The following CCDC81 variants were observed in gnomAD, a reference collection of about 807,000 sequenced individuals.
CCDC81 encodes coiled-coil domain containing 81.
In CCDC81, 79 loss-of-function variants were observed where a neutral mutation model predicts 83.7. The ratio of observed to expected loss-of-function variants is 0.94; its 90% confidence interval spans 0.79 to 1.14. The LOEUF is 1.14. CCDC81 is among the 50% of genes most tolerant of loss of function. CCDC81 has a pLI of 0.00. For synonymous variants in CCDC81, 252 were observed against 278.1 expected (o/e 0.91, Z 0.93); for missense variants, 791 against 778.1 (o/e 1.02, Z -0.20).
chr11:86,391,184 G>C (rs546575764), intron 3 of CCDC81, among the ~76,000 whole-genome samples: 1 of 152,288 alleles, frequency 6.6e-6, no homozygotes, highest in East Asian at 1.9e-4. Context: ...CCAGAGGCAG[G>C]CAAGACAGCC....
chr11:86,411,358 G>GA (rs1465095360), intron 10 of CCDC81, among the ~76,000 whole-genome samples: 3 of 152,100 alleles, frequency 2.0e-5, no homozygotes, highest in Non-Finnish European at 2.9e-5. Flanking sequence ...TTTCTCCATG[G>GA]AAAAACCTTC....
At position 86,392,749 on chromosome 11, in the gene CCDC81, C is replaced by G. The variant is rs1446529173; in HGVS notation, c.507C>G (p.Phe169Leu). The G allele has an allele frequency of 2.6e-6, 4 of 1,551,466 alleles. No individual in the cohort carries two copies. In the Admixed American group the frequency reaches 5.9e-5, roughly 23 times the overall value. ...SKVKMRFYKD[F>L]LCTMDGSGAL... is the part of the protein sequence containing the mutation. ...TGAAGATGAGGTTTTATAAAGACTTCCTTTGTACCATGGATGGAAGTGGGG... is the reference window on the plus strand; with the variant it reads ...TGAAGATGAGGTTTTATAAAGACTTGCTTTGTACCATGGATGGAAGTGGGG... Residue 169 changes from phenylalanine (F) to leucine (L), a missense_variant, in exon 4 of 15, where the codon TTC (phenylalanine) becomes TTG (leucine). Transcript: ENST00000445632.
intron 7 of CCDC81, among the ~76,000 whole-genome samples, chr11:86,401,806 G>C (rs923454728): frequency 2.0e-5 from 3 of 152,150 alleles, no homozygotes; most frequent in Non-Finnish European, 4.4e-5. Flanking sequence ...GTTTCCTATA[G>C]AAGTTGACTC....
At chr11:86,413,186 G>A (rs1041204932) in intron 11 of CCDC81, among the ~76,000 whole-genome samples, 1 of 152,154 alleles carries the variant, frequency 6.6e-6, no homozygotes, top group African/African-American at 2.4e-5. Flanking sequence ...TCCACTGGTT[G>A]ATGGCCTGCT....
At position 86,408,192 on chromosome 11, in the gene CCDC81, G is replaced by T; in HGVS notation, c.1035G>T (p.Arg345Ser). The T allele has an allele frequency of 6.2e-7, 1 of 1,614,070 alleles. No homozygotes were observed. The highest frequency in any genetic ancestry group is 8.5e-7 in the Non-Finnish European group (1 of 1,179,948). The change falls in exon 9 of 15, where the codon AGG becomes AGT. Residue 345 changes from arginine to serine, a missense_variant. Arg to Ser is a moderately radical substitution (Grantham distance 110). Transcript: ENST00000445632. The part of the protein sequence containing the change: ...RNSLLYYSEE[R>S]RREIEDERLI... ...CCCTGTTGTACTACAGTGAGGAAAGGAGGAGAGAGATAGAAGATGAGAGAC... is the reference window on the plus strand; with the variant it reads ...CCCTGTTGTACTACAGTGAGGAAAGTAGGAGAGAGATAGAAGATGAGAGAC...
At position 86,392,649 on chromosome 11, in the gene CCDC81, G is replaced by T; in HGVS notation, c.407G>T (p.Arg136Leu). 6.4e-7 allele frequency: 1 copy of T among 1,551,598 alleles called. No individual in the cohort carries two copies. The highest frequency in any genetic ancestry group is 8.7e-7 in the Non-Finnish European group (1 of 1,146,952). ...CVKETLLFLS[R>L]SISMKQNVEF... ...AAGGAGACGTTGCTTTTTTTATCGC[G>T]TTCCATTTCCATGAAACAAAATGTG... is the stretch of plus-strand genomic sequence containing the variant. Residue 136 changes from arginine (R) to leucine (L), a missense_variant, in exon 4 of 15, where the codon CGT (arginine) becomes CTT (leucine). Arg to Leu is a moderately radical substitution (Grantham distance 102, BLOSUM62 -2). Transcript: ENST00000445632.
At chr11:86,415,057 G>A in intron 12 of CCDC81, 36 bp from the exon 13 acceptor site, 1 of 1,602,488 alleles carries the variant, frequency 6.2e-7, no homozygotes. Context: ...TTCCCTGGTA[G>A]AATGATAACC....
chr11:86,388,318 A>G (rs1044559619), intron 3 of CCDC81, among the ~76,000 whole-genome samples: 4 of 151,870 alleles, frequency 2.6e-5, no homozygotes, highest in African/African-American at 9.7e-5. Flanking sequence ...AATAGGCATA[A>G]TCCCTGCCAC....
intron 7 of CCDC81, among the ~76,000 whole-genome samples, chr11:86,406,216 TCA>T (rs1447059334): frequency 6.6e-6 from 1 of 152,230 alleles, no homozygotes; most frequent in Non-Finnish European, 1.5e-5. Flanking sequence ...GATTCTTGGT[TCA>T]CAGTTATTTT....
intron 5 of CCDC81, among the ~76,000 whole-genome samples, chr11:86,396,609 C>T (rs1948411533): frequency 6.6e-6 from 1 of 152,134 alleles, no homozygotes. Flanking sequence ...AGCTGTATGA[C>T]ACATACCTCA....
At chr11:86,389,288 AC>A (rs1271715124) in intron 3 of CCDC81, among the ~76,000 whole-genome samples, 1 of 151,842 alleles carries the variant, frequency 6.6e-6, no homozygotes, top group East Asian at 1.9e-4. Context: ...AAAATTTAAA[AC>A]CCCCAAAGAA....
intron 3 of CCDC81, among the ~76,000 whole-genome samples, chr11:86,389,640 G>A (rs960307800): frequency 2.6e-5 from 4 of 152,068 alleles, no homozygotes; most frequent in Admixed American, 6.6e-5. Context: ...CAGCAAGGGG[G>A]AAATTCACTC....
intron 4 of CCDC81, 68 bp from the exon 5 acceptor site, chr11:86,395,266 C>A: frequency 1.6e-6 from 2 of 1,233,164 alleles, no homozygotes; most frequent in Non-Finnish European, 2.4e-6. Flanking sequence ...TATGAGCCTG[C>A]AGTTTTTAAT....
In CCDC81 at chr11:86,407,627, A is replaced by C. The variant is rs1314881085; in HGVS notation, c.895A>C (p.Ser299Arg). The C allele has an allele frequency of 6.2e-7, 1 of 1,612,408 alleles. No individual in the cohort carries two copies. Among genetic ancestry groups the C allele is most frequent in the Admixed American group, 1.7e-5 (1 of 60,004 alleles). Residue 299 changes from serine (S) to arginine (R), a missense_variant, in exon 8 of 15, where the codon AGT (serine) becomes CGT (arginine). Ser to Arg is a moderately radical substitution (Grantham distance 110). Transcript: ENST00000445632. Reference sequence around the variant, plus strand: ...TTGTTTTTATAGCTTATCATATCCAAGTTGTCTGAAACACGACAGTGAGAT... The same window carrying C: ...TTGTTTTTATAGCTTATCATATCCACGTTGTCTGAAACACGACAGTGAGAT... Reference protein sequence around the residue: ...IMTPESLSYPSCLKHDSEMKP... With the variant: ...IMTPESLSYPRCLKHDSEMKP...
intron 4 of CCDC81, 181 bp from the exon 5 acceptor site, chr11:86,395,153 A>T (rs1948386882): frequency 2.1e-6 from 1 of 482,360 alleles, no homozygotes; most frequent in South Asian, 3.7e-5. Flanking sequence ...ACCCAGGGTG[A>T]TTGCTCTGAT....
intron 7 of CCDC81, among the ~76,000 whole-genome samples, chr11:86,402,524 T>A (rs927429517): frequency 6.6e-6 from 1 of 151,000 alleles, no homozygotes; most frequent in African/African-American, 2.4e-5. Flanking sequence ...GATATTTAGA[T>A]GGCTTCCAGT....
At chr11:86,386,791 T>C (rs944993835) in intron 2 of CCDC81, among the ~76,000 whole-genome samples, 1 of 152,238 alleles carries the variant, frequency 6.6e-6, no homozygotes, top group East Asian at 1.9e-4. Context: ...TTTCCCTCCC[T>C]TTCATTGAAA....
At chr11:86,398,735 G>A (rs1473329758) in intron 6 of CCDC81, among the ~76,000 whole-genome samples, 1 of 152,168 alleles carries the variant, frequency 6.6e-6, no homozygotes, top group South Asian at 2.1e-4. Flanking sequence ...ACCACGCCCA[G>A]CTAATTTTTG....
rs575498438 is a variant in CCDC81, at chr11:86,418,403, G to T, written c.1692-1525G>T. On this transcript the variant is annotated intron_variant, in intron 13 of 14. Coordinates refer to ENST00000445632, the MANE Select transcript of CCDC81 (RefSeq NM_001156474.2). ...GCTGATCTCAAAAGATATCTGTACA[G>T]CCATGTTCATAGCAGCACTTTTTGT... Among the ~76,000 whole-genome samples the T allele has an allele frequency of 8.5e-5, 13 of 152,274 alleles. No individual in the cohort carries two copies. The East Asian group carries it at 2.3e-3, about 27-fold the overall frequency.
Sources: allele counts gnomAD v4.1 joint callset (sites outside exome capture counted in the v4.1 genomes callset), GRCh38; gene constraint gnomAD v4.1.1; transcripts MANE v1.5; gene names NCBI Gene and HGNC (gene_info 2026-07-23, HGNC 2026-07-21).